NALF1: variants seen among roughly 807,000 people sequenced by gnomAD.
NALF1 encodes the protein NALCN channel auxiliary factor 1, also known as family with sequence similarity 155 member A.
In NALF1, 3 loss-of-function variants were observed where a neutral mutation model predicts 48.4. The observed-to-expected ratio is 0.06, with a 90% CI of 0.03 to 0.16. The LOEUF (loss-of-function observed/expected upper bound fraction) is 0.16, where lower values mean the gene tolerates loss of function less well. Among genes scored for constraint, NALF1 ranks in the 10% least tolerant of loss-of-function variants. The pLI is 1.00. For missense variants in NALF1, 526 were observed against 571.5 expected (o/e 0.92, Z 0.81); for synonymous variants, 262 against 245.7 (o/e 1.07, Z -0.62).
chr13:107,846,097 C>T (rs569090409), intron 1 of NALF1, among the ~76,000 whole-genome samples: 63 of 152,286 alleles, frequency 4.1e-4, no homozygotes, highest in African/African-American at 1.1e-3. Context: ...TGTATCACTG[C>T]TTGTCACACA....
At chr13:107,583,896 T>C (rs1418988745) in intron 1 of NALF1, among the ~76,000 whole-genome samples, 3 of 152,132 alleles carry the variant, frequency 2.0e-5, no homozygotes, top group Non-Finnish European at 2.9e-5. Flanking sequence ...CTCATTAACT[T>C]TCTTCTTTGG....
chr13:107,322,405 C>T (rs926332821), intron 1 of NALF1, among the ~76,000 whole-genome samples: 2 of 152,216 alleles, frequency 1.3e-5, no homozygotes, highest in Non-Finnish European at 2.9e-5. Flanking sequence ...TTTAGATTCT[C>T]GTGATGACTT....
At position 107,611,666 on chromosome 13, in the gene NALF1, A is replaced by T. The variant is rs141204607; in HGVS notation, c.915+254016T>A. ...GAGGCAGAGGTGGGAGGATTGCTTG[A>T]GGCCAGGAGTTCAAGACCAGTCTGG... is the stretch of plus-strand genomic sequence containing the variant. On this transcript the variant is annotated intron_variant, in intron 1 of 2. Transcript: ENST00000375915. Among the ~76,000 whole-genome samples the T allele has an allele frequency of 4.0e-3, 607 of 152,246 alleles. 2 individuals are homozygous for T. Among genetic ancestry groups the T allele is most frequent in the Middle Eastern group, 0.017 (5 of 294 alleles).
chr13:107,710,410 T>G (rs553541091), intron 1 of NALF1, among the ~76,000 whole-genome samples: 1 of 152,260 alleles, frequency 6.6e-6, no homozygotes, highest in South Asian at 2.1e-4. Flanking sequence ...GGATTAGGGC[T>G]TGCGTTAGTT....
chr13:107,631,463 T>C (rs888692549), intron 1 of NALF1, among the ~76,000 whole-genome samples: 1 of 152,204 alleles, frequency 6.6e-6, no homozygotes, highest in Non-Finnish European at 1.5e-5. Context: ...CACCTTAGTT[T>C]TGATTTTTAG....
intron 1 of NALF1, among the ~76,000 whole-genome samples, chr13:107,456,062 T>C (rs1164099496): frequency 6.6e-6 from 1 of 152,200 alleles, no homozygotes; most frequent in Admixed American, 6.5e-5. Context: ...CTAGATTGTA[T>C]GAAACATTTT....
At chr13:107,847,043 TA>T (rs1198379057) in intron 1 of NALF1, among the ~76,000 whole-genome samples, 3 of 152,004 alleles carry the variant, frequency 2.0e-5, no homozygotes, top group Non-Finnish European at 2.9e-5. Flanking sequence ...TTTCTTAAAT[TA>T]AAAAAAATTA....
chr13:107,323,141 G>A (rs1156680316), intron 1 of NALF1, among the ~76,000 whole-genome samples: 3 of 152,120 alleles, frequency 2.0e-5, no homozygotes, highest in African/African-American at 7.2e-5. Context: ...CTACTGGACT[G>A]TGACCTTCCA....
chr13:107,864,054 T>A (rs978888730), intron 1 of NALF1, among the ~76,000 whole-genome samples: 1 of 152,168 alleles, frequency 6.6e-6, no homozygotes, highest in African/African-American at 2.4e-5. Flanking sequence ...AGACGTAGAG[T>A]TTCCTTTTCT....
chr13:107,461,211 G>T (rs1884913484), intron 1 of NALF1, among the ~76,000 whole-genome samples: 1 of 152,046 alleles, frequency 6.6e-6, no homozygotes, highest in African/African-American at 2.4e-5. Flanking sequence ...TAATTTATAT[G>T]CTTTCTTCTA....
intron 1 of NALF1, among the ~76,000 whole-genome samples, chr13:107,674,835 T>C (rs1295783970): frequency 6.6e-6 from 1 of 152,102 alleles, no homozygotes; most frequent in Admixed American, 6.6e-5. Context: ...GAAGGTCAAG[T>C]TGGGGAAAGT....
chr13:107,638,471 G>C (rs1212578607), intron 1 of NALF1, among the ~76,000 whole-genome samples: 1 of 151,964 alleles, frequency 6.6e-6, no homozygotes, highest in Non-Finnish European at 1.5e-5. Flanking sequence ...CAAGGTGCTG[G>C]AGGATAGCAG....
At chr13:107,347,131 G>T (rs1037508592) in intron 1 of NALF1, among the ~76,000 whole-genome samples, 11 of 152,044 alleles carry the variant, frequency 7.2e-5, no homozygotes, top group African/African-American at 1.2e-4. Context: ...ATGGAGCAAG[G>T]TACCCACAAG....
rs189143978 is a variant in NALF1, at chr13:107,620,868, C to T, written c.915+244814G>A. Among the ~76,000 whole-genome samples the T allele has an allele frequency of 2.6e-5, 4 of 152,250 alleles. No homozygotes were observed. In the East Asian group the frequency reaches 7.7e-4, roughly 29 times the overall value. On this transcript the variant is annotated intron_variant, in intron 1 of 2. Transcript: ENST00000375915. ...TTCTAACTCAAGGCTTCTCCTTATC[C>T]CAGTTGATCACTATCCGTGGCTCTT...
chr13:107,764,866 C>T (rs577901330), intron 1 of NALF1, among the ~76,000 whole-genome samples: 55 of 152,238 alleles, frequency 3.6e-4, no homozygotes, highest in Middle Eastern at 3.4e-3. Context: ...GCTCTGCAGA[C>T]GGCTGCATTC....
At chr13:107,313,889 T>C (rs1165299384) in intron 1 of NALF1, among the ~76,000 whole-genome samples, 5 of 152,140 alleles carry the variant, frequency 3.3e-5, no homozygotes, top group Non-Finnish European at 5.9e-5. Flanking sequence ...TGATGTTTCA[T>C]ATCTCCCTAA....
rs762458141 is a variant in NALF1 at position 107,865,987 on chromosome 13, C to G, written c.610G>C (p.Gly204Arg). The part of the protein sequence containing the change: ...NWSRGAAGGD[G>R]QEVRSKHPTP... ...GGATGCTTGCTCCTCACCTCCTGCC[C>G]GTCCCCCCCGGCCGCCCCCCGACTC... Residue 204 changes from glycine (G) to arginine (R), a missense_variant, in exon 1 of 3, where the codon GGG (glycine) becomes CGG (arginine). Physicochemically the swap from Gly to Arg is moderately radical, Grantham distance 125 (BLOSUM62 -2). Coordinates refer to ENST00000375915, the MANE Select transcript of NALF1 (RefSeq NM_001080396.3). The G allele has an allele frequency of 6.2e-7, 1 of 1,612,510 alleles. No individual in the cohort carries two copies. Among genetic ancestry groups the G allele is most frequent in the South Asian group, 1.1e-5 (1 of 91,072 alleles).
At chr13:107,502,188 T>C (rs1875546759) in intron 1 of NALF1, among the ~76,000 whole-genome samples, 1 of 152,148 alleles carries the variant, frequency 6.6e-6, no homozygotes, top group African/African-American at 2.4e-5. Flanking sequence ...GAAAAAACAC[T>C]TTGATAAGTC....
chr13:107,623,433 A>G (rs916222627), intron 1 of NALF1, among the ~76,000 whole-genome samples: 13 of 148,742 alleles, frequency 8.7e-5, no homozygotes, highest in African/African-American at 3.2e-4. Context: ...TTGGAAACAG[A>G]GTAAAGAAAT....
Sources: gnomAD v4.1 joint callset for allele counts (sites outside exome capture counted in the v4.1 genomes callset) on GRCh38, gnomAD v4.1.1 for gene constraint, MANE v1.5 for transcripts, NCBI Gene and HGNC (gene_info 2026-07-23, HGNC 2026-07-21) for gene names.